The following UGGT1 variants were observed in gnomAD, a reference collection of about 807,000 sequenced individuals.
The protein encoded by UGGT1 is UDP-glucose glycoprotein glucosyltransferase 1, also known as UDP-glucose:glycoprotein glucosyltransferase 1.
In UGGT1, 107 loss-of-function variants were observed where a neutral mutation model predicts 203.9. The observed-to-expected ratio is 0.52, with a 90% CI of 0.45 to 0.62. The LOEUF (loss-of-function observed/expected upper bound fraction) is 0.62. Among genes scored for constraint, UGGT1 ranks in the 20% least tolerant of loss-of-function variants. UGGT1 has a pLI of 0.00. For missense variants in UGGT1, 1,673 were observed against 1,867.2 expected (o/e 0.90, Z 1.92); for synonymous variants, 628 against 653.5 (o/e 0.96, Z 0.59).
intron 18 of UGGT1, among the ~76,000 whole-genome samples, chr2:128,149,462 G>C (rs1689844552): frequency 6.7e-6 from 1 of 150,254 alleles, no homozygotes; most frequent in Admixed American, 6.6e-5. Flanking sequence ...GGCTAACACG[G>C]TGAAACCCTG....
chr2:128,150,342 A>G (rs1273811887), intron 18 of UGGT1, among the ~76,000 whole-genome samples: 1 of 152,228 alleles, frequency 6.6e-6, no homozygotes, highest in Non-Finnish European at 1.5e-5. Context: ...AGACTAAGGC[A>G]GGAGGGTTGC....
At chr2:128,101,146 A>G (rs1384954311) in intron 2 of UGGT1, among the ~76,000 whole-genome samples, 1 of 152,200 alleles carries the variant, frequency 6.6e-6, no homozygotes, top group Non-Finnish European at 1.5e-5. Flanking sequence ...ACTCATAGAA[A>G]TGAGCTATGC....
At chr2:128,094,560 A>G (rs542921630) in intron 1 of UGGT1, among the ~76,000 whole-genome samples, 6 of 152,116 alleles carry the variant, frequency 3.9e-5, no homozygotes, top group Non-Finnish European at 8.8e-5. Flanking sequence ...TAGGTAACAT[A>G]TATGTGGTTA....
Position 128,119,346 on chromosome 2 carries a change from C to CT in UGGT1, c.873-1007dup, listed in dbSNP as rs1688268410. Among the ~76,000 whole-genome samples, 4 of 151,958 alleles carry CT rather than the reference C, an allele frequency of 2.6e-5. No individual in the cohort carries two copies. The South Asian group carries it at 8.3e-4, about 32-fold the overall frequency. ...GTAGCTCACGCCTGTAATCCCAGCA[C>CT]TTTGGGAGGCTGAGGCGGGCGGATC... On this transcript the variant is annotated intron_variant, in intron 8 of 40. Transcript: ENST00000259253.
At chr2:128,112,587 G>T (rs1687921453) in intron 5 of UGGT1, among the ~76,000 whole-genome samples, 1 of 123,326 alleles carries the variant, frequency 8.1e-6, no homozygotes, top group African/African-American at 2.9e-5. Flanking sequence ...TATTTTATTC[G>T]TTTTTTTTTT....
intron 26 of UGGT1, among the ~76,000 whole-genome samples, chr2:128,169,725 C>T (rs1168849062): frequency 6.6e-6 from 1 of 152,180 alleles, no homozygotes; most frequent in Non-Finnish European, 1.5e-5. Flanking sequence ...TGTTGTGTAA[C>T]AGCATGTGGA....
At chr2:128,168,888 A>G (rs1388512063) in intron 26 of UGGT1, among the ~76,000 whole-genome samples, 1 of 151,912 alleles carries the variant, frequency 6.6e-6, no homozygotes, top group Non-Finnish European at 1.5e-5. Flanking sequence ...CTCTACTAAC[A>G]ATACACAAAT....
chr2:128,107,874 A>T (rs1687673715), intron 3 of UGGT1, 64 bp from the exon 4 acceptor site: 1 of 1,602,258 alleles, frequency 6.2e-7, no homozygotes, highest in African/African-American at 1.3e-5. Flanking sequence ...GTGCTTCATG[A>T]ACTATCTTCT....
intron 16 of UGGT1, among the ~76,000 whole-genome samples, 181 bp downstream of exon 16, chr2:128,139,033 G>A (rs1296711848): frequency 2.0e-5 from 3 of 152,210 alleles, no homozygotes; most frequent in Admixed American, 1.3e-4. Context: ...AAGCAAAGTG[G>A]CAGGGATGCC....
chr2:128,106,857 AT>A (rs1558754326), intron 3 of UGGT1, among the ~76,000 whole-genome samples: 2 of 151,858 alleles, frequency 1.3e-5, no homozygotes, highest in African/African-American at 4.8e-5. Context: ...GCCTATTTCT[AT>A]TTTTTTTAAA....
At chr2:128,130,767 A>G (rs920547402) in intron 13 of UGGT1, among the ~76,000 whole-genome samples, 1 of 151,468 alleles carries the variant, frequency 6.6e-6, no homozygotes, top group African/African-American at 2.4e-5. Flanking sequence ...TTATCCTTTT[A>G]TTTTCTATCA....
At position 128,123,468 on chromosome 2, in the gene UGGT1, C is replaced by G. The variant is rs374774030; in HGVS notation, c.1134+222C>G. On this transcript the variant is annotated intron_variant, in intron 11 of 40. Coordinates refer to ENST00000259253, the MANE Select transcript of UGGT1 (RefSeq NM_020120.4). The stretch of plus-strand genomic sequence containing the variant: ...TACCGTGTTGTTTAGGAAAGCAGCA[C>G]CCCTAACATGTCTCACCCCGTTCCT... 3.3e-5 allele frequency among the ~76,000 whole-genome samples: 5 copies of G among 152,286 alleles called. No individual in the cohort carries two copies. In the East Asian group the frequency reaches 5.8e-4, roughly 18 times the overall value.
Position 128,157,238 on chromosome 2 carries a change from T to A in UGGT1, c.2261-14T>A, listed in dbSNP as rs766296583. On this transcript the variant is annotated splice_polypyrimidine_tract_variant and intron_variant, in intron 21 of 40. Transcript: ENST00000259253. Reference sequence around the variant, plus strand: ...TCTCCTCTGACTCAATTAGCTGTTTTTGTTTTTCTACAGATGATTCTTTTA... The same window carrying A: ...TCTCCTCTGACTCAATTAGCTGTTTATGTTTTTCTACAGATGATTCTTTTA... 6.2e-7 allele frequency: 1 copy of A among 1,602,700 alleles called. No individual in the cohort carries two copies.
chr2:128,177,735 T>G, intron 32 of UGGT1, 97 bp from the exon 33 acceptor site: 2 of 956,274 alleles, frequency 2.1e-6, no homozygotes, highest in South Asian at 1.9e-5. Flanking sequence ...GATTGATAAT[T>G]CCCTATTGAT....
rs372133427 is a variant in UGGT1, at chr2:128,126,332, C to A, written c.1135-1029C>A. Among the ~76,000 whole-genome samples, 7 of 151,920 alleles carry A rather than the reference C, an allele frequency of 4.6e-5. No individual in the cohort carries two copies. In the East Asian group the frequency reaches 1.4e-3, roughly 29 times the overall value. On this transcript the variant is annotated intron_variant, in intron 11 of 40. Transcript: ENST00000259253. ...CTAGGCTCATGGCAACCTCTGCCTC[C>A]CAGGTACAAGCAGTTATCCTGCCTC...
At chr2:128,098,421 T>G (rs1052938551) in intron 2 of UGGT1, among the ~76,000 whole-genome samples, 7 of 152,176 alleles carry the variant, frequency 4.6e-5, no homozygotes, top group Non-Finnish European at 8.8e-5. Context: ...AGCATCAGAT[T>G]AGGAGATTAT....
At chr2:128,180,555 T>C (rs1480191860) in intron 35 of UGGT1, among the ~76,000 whole-genome samples, 1 of 152,236 alleles carries the variant, frequency 6.6e-6, no homozygotes, top group Non-Finnish European at 1.5e-5. Flanking sequence ...GTCATCAAGC[T>C]CAGTAAATGC....
At position 128,172,575 on chromosome 2, in the gene UGGT1, T is replaced by C. The variant is rs1487828964; in HGVS notation, c.3107T>C (p.Phe1036Ser). Residue 1036 changes from phenylalanine (F) to serine (S), a missense_variant and splice_region_variant, in exon 29 of 41, where the codon TTT (phenylalanine) becomes TCT (serine). Coordinates refer to ENST00000259253, the MANE Select transcript of UGGT1 (RefSeq NM_020120.4). Reference sequence around the variant, plus strand: ...AACACTTTCCTTTTCAATTTCAGCTTTTACCGTTATGTCTTAGAACCAGAG... The same window carrying C: ...AACACTTTCCTTTTCAATTTCAGCTCTTACCGTTATGTCTTAGAACCAGAG... ...SKLSDMPLKS[F>S]YRYVLEPEIS... The C allele has an allele frequency of 6.2e-7, 1 of 1,613,982 alleles. No individual in the cohort carries two copies. Among genetic ancestry groups the C allele is most frequent in the Non-Finnish European group, 8.5e-7 (1 of 1,179,994 alleles).
At chr2:128,128,522 C>T (rs1168610193) in intron 12 of UGGT1, among the ~76,000 whole-genome samples, 1 of 152,056 alleles carries the variant, frequency 6.6e-6, no homozygotes, top group Non-Finnish European at 1.5e-5. Flanking sequence ...CCATGTTGGC[C>T]AGGCTGGTCT....
Sources: gnomAD v4.1 joint callset for allele counts (sites outside exome capture counted in the v4.1 genomes callset) on GRCh38, gnomAD v4.1.1 for gene constraint, MANE v1.5 for transcripts, NCBI Gene and HGNC (gene_info 2026-07-23, HGNC 2026-07-21) for gene names.